Variants in FGD5 observed in about 807,000 individuals in gnomAD.
The protein encoded by FGD5 is FYVE, RhoGEF and PH domain-containing protein 5.
A neutral mutation model predicts 133.4 loss-of-function variants in FGD5; 28 were observed. The observed-to-expected ratio is 0.21, with a 90% CI of 0.16 to 0.29. FGD5 has a LOEUF of 0.29. Ranked by LOEUF, FGD5 falls within the 10% of genes least tolerant of loss-of-function variation. The probability of loss-of-function intolerance (pLI) is 1.00; values close to 1 mark genes in which losing one functional copy is unlikely to be tolerated. For missense variants in FGD5, 1,858 were observed against 1,895.2 expected (o/e 0.98, Z 0.36); for synonymous variants, 810 against 776.5 (o/e 1.04, Z -0.72).
intron 2 of FGD5, among the ~76,000 whole-genome samples, chr3:14,867,582 G>A (rs541386503): frequency 2.8e-4 from 43 of 152,216 alleles, no homozygotes; most frequent in Non-Finnish European, 5.6e-4. Context: ...GGCTGTGACA[G>A]CAGACTCCCT....
At chr3:14,875,750 G>A (rs2037704848) in intron 2 of FGD5, among the ~76,000 whole-genome samples, 2 of 152,176 alleles carry the variant, frequency 1.3e-5, no homozygotes, top group South Asian at 4.1e-4. Flanking sequence ...CAGAGGTAGA[G>A]CAGTGTGGAG....
intron 4 of FGD5, among the ~76,000 whole-genome samples, chr3:14,895,206 T>A (rs2038110493): frequency 6.6e-6 from 1 of 152,238 alleles, no homozygotes; most frequent in Admixed American, 6.5e-5. Context: ...CTTTTTAGAC[T>A]GATGTAGTCC....
At chr3:14,878,720 C>T (rs893843390) in intron 2 of FGD5, among the ~76,000 whole-genome samples, 1 of 150,674 alleles carries the variant, frequency 6.6e-6, no homozygotes, top group African/African-American at 2.4e-5. Context: ...GTTCCAAAGC[C>T]CATGCTTTTT....
chr3:14,842,075 G>A (rs528067208), intron 1 of FGD5, among the ~76,000 whole-genome samples: 68 of 152,332 alleles, frequency 4.5e-4, no homozygotes, highest in Non-Finnish European at 7.5e-4. Context: ...AGAACTACAC[G>A]TCCCCATGTT....
chr3:14,864,319 G>A, intron 2 of FGD5, 59 bp downstream of exon 2: 4 of 1,610,374 alleles, frequency 2.5e-6, no homozygotes, highest in Non-Finnish European at 3.4e-6. Context: ...AGAGATGGCT[G>A]TAACAGATCT....
intron 11 of FGD5, 94 bp downstream of exon 11, chr3:14,911,023 AG>A: frequency 1.6e-6 from 2 of 1,242,216 alleles, no homozygotes. Context: ...ATAGGGTGAG[AG>A]GAGAGTAGAA....
intron 18 of FGD5, 33 bp from the exon 19 acceptor site, chr3:14,932,543 GT>G (rs771484414): frequency 1.2e-6 from 2 of 1,601,680 alleles, no homozygotes; most frequent in African/African-American, 2.7e-5. Flanking sequence ...AGAGTGTGGT[GT>G]TTAATGTCAA....
intron 1 of FGD5, among the ~76,000 whole-genome samples, chr3:14,848,663 T>C (rs889213565): frequency 5.3e-5 from 8 of 152,216 alleles, no homozygotes. Flanking sequence ...ATTTTTTAAA[T>C]TTATGCAAAT....
chr3:14,932,735 C>A lies in FGD5; in HGVS notation c.4352+4C>A, dbSNP rs374972839. The stretch of plus-strand genomic sequence containing the variant: ...AAGATACCAATTCAGCTCAGAGGTA[C>A]GAAAAGAACTAATTAGTCTTATAGC... On this transcript the variant is annotated splice_donor_region_variant and intron_variant, in intron 19 of 19. Transcript: ENST00000285046. 6.2e-7 allele frequency: 1 copy of A among 1,610,236 alleles called. No individual in the cohort carries two copies. The highest frequency in any genetic ancestry group is 1.3e-5 in the African/African-American group (1 of 74,616).
At position 14,820,278 on chromosome 3, in the gene FGD5, G is replaced by T; in HGVS notation, c.1207G>T (p.Gly403Ter). 1 of 1,604,920 alleles carries T rather than the reference G, an allele frequency of 6.2e-7. No homozygotes were observed. Among genetic ancestry groups the T allele is most frequent in the Non-Finnish European group, 8.5e-7 (1 of 1,175,154 alleles). ...TGGCCAGTGTGGCTCCCTACAGGGT[G>T]GAGCGGCCGAGGGTCCCGCAGCCCC... ...LCGQCGSLQGGAAEGPAAPDV... is the reference protein window; with the variant it reads ...LCGQCGSLQG The change falls in exon 1 of 20, where the codon GGA (glycine) becomes TGA (stop). Residue 403 changes from glycine to a stop codon, truncating the protein, a stop_gained. Coordinates refer to ENST00000285046, the MANE Select transcript of FGD5 (RefSeq NM_152536.4). LOFTEE classifies it high-confidence loss of function.
chr3:14,910,954 G>C lies in FGD5; in HGVS notation c.3405+25G>C, dbSNP rs1306322823. 5 of 1,603,650 alleles carry C rather than the reference G, an allele frequency of 3.1e-6. No individual in the cohort carries two copies. In the Admixed American group the frequency reaches 5.1e-5, roughly 16 times the overall value. On this transcript the variant is annotated intron_variant, in intron 11 of 19. Coordinates refer to ENST00000285046, the MANE Select transcript of FGD5 (RefSeq NM_152536.4). ...GGTAAGTGCCCGGTCCCCAAGCCCAGCTCAGGAACTGCCAAGTTCTATGAG... is the reference window on the plus strand; with the variant it reads ...GGTAAGTGCCCGGTCCCCAAGCCCACCTCAGGAACTGCCAAGTTCTATGAG...
chr3:14,907,805 C>A, intron 10 of FGD5, 94 bp downstream of exon 10: 2 of 1,275,536 alleles, frequency 1.6e-6, no homozygotes, highest in Non-Finnish European at 2.2e-6. Context: ...ACAGGCCTGG[C>A]TGCAGGTGCT....
At position 14,820,682 on chromosome 3, in the gene FGD5, G is replaced by T. The variant is rs754634002; in HGVS notation, c.1611G>T (p.Leu537Phe). ...AGCCCTTGGAAGCCAGCAGGGCCTT[G>T]CCAGCAAAGCCCAGGGCCTTTACTT... is the stretch of plus-strand genomic sequence containing the variant. ...EGKPLEASRALPAKPRAFTLY... is the reference protein window; with the variant it reads ...EGKPLEASRAFPAKPRAFTLY... Residue 537 changes from leucine to phenylalanine, a missense_variant, in exon 1 of 20, where the codon TTG becomes TTT. By Grantham distance (22) the Leu-to-Phe change is conservative (BLOSUM62 0). This residue lies in a region of FGD5 where 1,824 missense variants were observed against 1,848.9 expected (regional missense o/e 0.99). Transcript: ENST00000285046. 1.9e-6 allele frequency: 3 copies of T among 1,591,168 alleles called. No homozygotes were observed. Among genetic ancestry groups the T allele is most frequent in the Non-Finnish European group, 2.6e-6 (3 of 1,170,854 alleles).
At chr3:14,912,141 G>T (rs757741586) in intron 11 of FGD5, among the ~76,000 whole-genome samples, 2 of 152,128 alleles carry the variant, frequency 1.3e-5, no homozygotes, top group Non-Finnish European at 2.9e-5. Flanking sequence ...GGCCCTACCC[G>T]TAGAGGGGCC....
chr3:14,848,109 G>A (rs571721793), intron 1 of FGD5, among the ~76,000 whole-genome samples: 8 of 152,300 alleles, frequency 5.3e-5, no homozygotes, highest in African/African-American at 1.9e-4. Context: ...GGAAATGCAG[G>A]ACAAGTCCTG....
At chr3:14,822,456 G>A (rs1249863921) in intron 1 of FGD5, among the ~76,000 whole-genome samples, 1 of 151,198 alleles carries the variant, frequency 6.6e-6, no homozygotes, top group African/African-American at 2.4e-5. Context: ...CTAAATTACT[G>A]AATGGAAGTC....
chr3:14,843,603 T>G (rs1575202409), intron 1 of FGD5, among the ~76,000 whole-genome samples: 1 of 150,342 alleles, frequency 6.7e-6, no homozygotes, highest in African/African-American at 2.5e-5. Context: ...ACCAAGGGAG[T>G]GGTTTCCATG....
rs1413569539 is a variant in FGD5, at chr3:14,922,982, G to A, written c.3808-64G>A. 4 of 1,607,106 alleles carry A rather than the reference G, an allele frequency of 2.5e-6. No individual in the cohort carries two copies. The African/African-American group carries it at 5.3e-5, about 21-fold the overall frequency. ...GTGGATTAGCAGAGGGAGCGGAGGG[G>A]AGGGGTGCAGGTCTCCTTTGCATGC... On this transcript the variant is annotated intron_variant, in intron 15 of 19. Transcript: ENST00000285046. The surrounding 1 kb of genome is among the most constrained non-coding windows in gnomAD (Gnocchi z 4.1).
chr3:14,909,601 C>T (rs747168561), intron 10 of FGD5, among the ~76,000 whole-genome samples: 27 of 152,246 alleles, frequency 1.8e-4, no homozygotes, highest in Non-Finnish European at 3.8e-4. Context: ...CATGCAGCCA[C>T]CCACAGAGCA....
Sources: allele counts gnomAD v4.1 joint callset (sites outside exome capture counted in the v4.1 genomes callset), GRCh38; gene constraint gnomAD v4.1.1; regional missense constraint gnomAD v4.1.1; non-coding constraint Gnocchi (gnomAD v3.1); transcripts MANE v1.5; gene names NCBI Gene and HGNC (gene_info 2026-07-23, HGNC 2026-07-21).